CCL26: variants seen among roughly 807,000 people sequenced by gnomAD.
CCL26 encodes C-C motif chemokine ligand 26, also known as C-C motif chemokine 26.
A neutral mutation model predicts 10.7 loss-of-function variants in CCL26; 10 were observed. The observed-to-expected ratio is 0.93, with a 90% CI of 0.57 to 1.58. The LOEUF is 1.58. Ranked by LOEUF, CCL26 falls within the 40% of genes most tolerant of loss-of-function variation. CCL26 has a pLI of 0.00. For missense variants in CCL26, 116 were observed against 111.0 expected (o/e 1.05, Z -0.20); for synonymous variants, 43 against 41.4 (o/e 1.04, Z -0.15).
At chr7:75,790,178 C>CCTTTCTTTCTTTCTTTCTTTCTTT (rs782115911), upstream of CCL26, among the ~76,000 whole-genome samples, 3 of 44,346 alleles carry the variant, frequency 6.8e-5, no homozygotes, top group South Asian at 1.1e-3. Context: ...TTCCTTCCTT[C>CCTTTCTTTCTTTCTTTCTTTCTTT]CTTTCTTTCT....
chr7:75,782,777 C>T lies in CCL26; in HGVS notation c.-79+6940G>A, dbSNP rs1412424525. 3.3e-5 allele frequency among the ~76,000 whole-genome samples: 5 copies of T among 152,260 alleles called. No individual in the cohort carries two copies. The East Asian group carries it at 5.8e-4, about 18-fold the overall frequency. On this transcript the variant is annotated intron_variant, in intron 1 of 3. Transcript: ENST00000394905. ...TGCCTGACGTCCAGGCATTCTTTTA[C>T]ACATTAGTCCCTCCCTAGTCTCTGC...
chr7:75,787,704 T>A (rs1803231125), intron 1 of CCL26, among the ~76,000 whole-genome samples: 3 of 67,148 alleles, frequency 4.5e-5, no homozygotes. Context: ...GCCTCTCAAC[T>A]TAAAAAAAAA....
At chr7:75,774,731 C>T (rs1056698479), upstream of CCL26, among the ~76,000 whole-genome samples, 4 of 149,272 alleles carry the variant, frequency 2.7e-5, no homozygotes, top group East Asian at 1.9e-4. Context: ...CAGGTGTGAG[C>T]CACCCCACCC....
At chr7:75,779,213 C>T (rs1803007710) in intron 1 of CCL26, among the ~76,000 whole-genome samples, 1 of 152,142 alleles carries the variant, frequency 6.6e-6, no homozygotes, top group South Asian at 2.1e-4. Flanking sequence ...TTCGCTGACT[C>T]TTTTCAGACT....
chr7:75,771,854 T>C (rs781842824), intron 2 of CCL26, 35 bp downstream of exon 2: 13 of 1,465,548 alleles, frequency 8.9e-6, no homozygotes, highest in African/African-American at 1.4e-5. Flanking sequence ...GCATGACTGA[T>C]GGGGCCCCAG....
intron 1 of CCL26, among the ~76,000 whole-genome samples, chr7:75,783,786 C>CAAAA (rs1318162003): frequency 1.1e-5 from 1 of 87,772 alleles, no homozygotes. Flanking sequence ...GACTCCAGCT[C>CAAAA]AAAAAAAAAA....
intron 1 of CCL26, among the ~76,000 whole-genome samples, chr7:75,778,448 T>C (rs1554529008): frequency 6.6e-6 from 1 of 150,656 alleles, no homozygotes; most frequent in East Asian, 1.9e-4. Context: ...TTTTGCCATG[T>C]TGCCCAGGCT....
upstream of CCL26, chr7:75,772,386 G>T: frequency 1.8e-6 from 1 of 560,226 alleles, no homozygotes; most frequent in South Asian, 2.1e-5. Context: ...ACTGGGCGTG[G>T]TGGCTCATGC....
upstream of CCL26, among the ~76,000 whole-genome samples, chr7:75,773,267 T>C (rs911806322): frequency 2.0e-5 from 3 of 151,424 alleles, no homozygotes; most frequent in Non-Finnish European, 4.4e-5. Flanking sequence ...CCACTAGAAA[T>C]AAAAAAATTA....
At chr7:75,779,678 G>A (rs142338284) in intron 1 of CCL26, among the ~76,000 whole-genome samples, 181 of 152,320 alleles carry the variant, frequency 1.2e-3, no homozygotes, top group African/African-American at 2.0e-3. Context: ...TTAATCACGC[G>A]GGGACGCGTG....
upstream of CCL26, among the ~76,000 whole-genome samples, chr7:75,773,001 T>C (rs944354431): frequency 2.7e-5 from 4 of 150,926 alleles, no homozygotes; most frequent in Non-Finnish European, 5.9e-5. Flanking sequence ...GGTCTCAAGA[T>C]GTGATCATAG....
intron 2 of CCL26, 147 bp downstream of exon 2, chr7:75,771,742 C>A: frequency 1.6e-6 from 1 of 621,288 alleles, no homozygotes. Context: ...AAGTCAGGTT[C>A]TACCTGAAGC....
chr7:75,787,410 T>C (rs777198423), intron 1 of CCL26, among the ~76,000 whole-genome samples: 2 of 151,930 alleles, frequency 1.3e-5, no homozygotes, highest in South Asian at 2.1e-4. Context: ...TTTGGGAGGC[T>C]GAGGCGGGCA....
intron 1 of CCL26, among the ~76,000 whole-genome samples, chr7:75,785,284 C>T (rs1474802643): frequency 3.9e-5 from 6 of 152,168 alleles, no homozygotes; most frequent in Admixed American, 6.5e-5. Context: ...GGCTGTGCTA[C>T]CGCAAGGCTT....
chr7:75,788,819 G>T (rs1554530352), intron 1 of CCL26, among the ~76,000 whole-genome samples: 1 of 152,022 alleles, frequency 6.6e-6, no homozygotes, highest in African/African-American at 2.4e-5. Flanking sequence ...GGGCGTTCTG[G>T]GGGCTGGTAT....
chr7:75,785,477 C>T (rs1803164281), intron 1 of CCL26, among the ~76,000 whole-genome samples: 1 of 152,130 alleles, frequency 6.6e-6, no homozygotes, highest in African/African-American at 2.4e-5. Context: ...TATCAGGTAT[C>T]CCCCACAAAG....
At chr7:75,789,461 CTTTTTTT>C (rs35341116) in intron 1 of CCL26, among the ~76,000 whole-genome samples, 1 of 123,002 alleles carries the variant, frequency 8.1e-6, no homozygotes, top group Non-Finnish European at 1.7e-5. Flanking sequence ...CTCTTTTTCT[CTTTTTTT>C]TTTTTTTTTG....
At chr7:75,783,944 C>T (rs1170637560) in intron 1 of CCL26, among the ~76,000 whole-genome samples, 1 of 152,200 alleles carries the variant, frequency 6.6e-6, no homozygotes, top group Non-Finnish European at 1.5e-5. Flanking sequence ...ATTACCCAAT[C>T]TGCTCCTGAC....
upstream of CCL26, among the ~76,000 whole-genome samples, chr7:75,775,872 T>C (rs568342521): frequency 1.3e-5 from 2 of 152,058 alleles, no homozygotes; most frequent in African/African-American, 4.8e-5. Flanking sequence ...TGAGTCTCAT[T>C]CTGTCACCCA....
Sources: allele counts gnomAD v4.1 joint callset (sites outside exome capture counted in the v4.1 genomes callset), GRCh38; gene constraint gnomAD v4.1.1; transcripts MANE v1.5; gene names NCBI Gene and HGNC (gene_info 2026-07-23, HGNC 2026-07-21).